The following TRNT1 variants were observed in gnomAD, a reference collection of about 807,000 sequenced individuals.
TRNT1 encodes the protein tRNA nucleotidyl transferase 1, also known as CCA tRNA nucleotidyltransferase 1, mitochondrial.
A neutral mutation model predicts 45.6 loss-of-function variants in TRNT1; 44 were observed. The ratio of observed to expected loss-of-function variants is 0.97; its 90% confidence interval spans 0.76 to 1.24. The LOEUF (loss-of-function observed/expected upper bound fraction) is 1.24. TRNT1 is among the 50% of genes most tolerant of loss of function. The pLI, the probability that TRNT1 is intolerant of heterozygous loss-of-function variation, is 0.00. For synonymous variants in TRNT1, 201 were observed against 171.4 expected, an observed-to-expected ratio of 1.17 and a Z score of -1.35; for missense variants, 633 against 504.4, an observed-to-expected ratio of 1.25 and a Z score of -2.44.
intron 2 of TRNT1, 103 bp from the exon 3 acceptor site, chr3:3,137,157 C>A: frequency 1.1e-6 from 1 of 897,940 alleles, no homozygotes; most frequent in Non-Finnish European, 1.6e-6. Flanking sequence ...AAATGAATCT[C>A]TGCTGTTCCA....
At chr3:3,151,284 A>G (rs1706529267), downstream of TRNT1, among the ~76,000 whole-genome samples, 1 of 152,220 alleles carries the variant, frequency 6.6e-6, no homozygotes, top group Non-Finnish European at 1.5e-5. Flanking sequence ...TCTACTGCAT[A>G]GAAATAAAGA....
At chr3:3,131,010 AG>A (rs886755270) in intron 2 of TRNT1, among the ~76,000 whole-genome samples, 1 of 151,242 alleles carries the variant, frequency 6.6e-6, no homozygotes, top group African/African-American at 2.4e-5. Context: ...GAAGCCTGGG[AG>A]GGGGGCTTGC....
In TRNT1 at chr3:3,144,803, A is replaced by G; in HGVS notation, c.608+93A>G. The G allele has an allele frequency of 8.0e-6, 10 of 1,256,154 alleles. No individual in the cohort carries two copies. In the South Asian group the frequency reaches 1.7e-4, roughly 21 times the overall value. The allele number at this position is 1,256,154 out of a possible 1,614,324, so 77.8% of individuals were successfully genotyped here. A position where few individuals can be genotyped will look rare whatever the true frequency, so the allele number is the denominator to read the frequency against. The stretch of plus-strand genomic sequence containing the variant: ...GAAACCCACAGCAGGTCAGTGTACA[A>G]AATGGTGACATCCCAAATGTCTGTC... On this transcript the variant is annotated intron_variant, in intron 5 of 7. Transcript: ENST00000251607.
chr3:3,149,238 G>GTAAT (rs774045299), downstream of TRNT1: 16 of 152,180 alleles, frequency 1.1e-4, no homozygotes, highest in East Asian at 2.7e-3. Flanking sequence ...ATACAGGTCA[G>GTAAT]TAATTAGATG....
At chr3:3,135,684 GAA>G (rs1705287171) in intron 2 of TRNT1, among the ~76,000 whole-genome samples, 2 of 152,198 alleles carry the variant, frequency 1.3e-5, no homozygotes, top group Admixed American at 1.3e-4. Context: ...GGGCAGGACA[GAA>G]AACAGATGTT....
intron 2 of TRNT1, among the ~76,000 whole-genome samples, chr3:3,133,694 G>A (rs539199423): frequency 6.6e-6 from 1 of 152,122 alleles, no homozygotes; most frequent in Non-Finnish European, 1.5e-5. Flanking sequence ...GTCCACAGGG[G>A]GTGATAGCGC....
At chr3:3,144,492 T>G in intron 4 of TRNT1, 92 bp from the exon 5 acceptor site, 1 of 1,253,092 alleles carries the variant, frequency 8.0e-7, no homozygotes, top group Admixed American at 2.3e-5. Flanking sequence ...GCTGAATTTT[T>G]ACTGTTTGTG....
At chr3:3,140,792 T>TG in intron 4 of TRNT1, 144 bp downstream of exon 4, 1 of 1,124,460 alleles carries the variant, frequency 8.9e-7, no homozygotes, top group Non-Finnish European at 1.2e-6. Flanking sequence ...CTTCAAAGAA[T>TG]AGTCCCTCAG....
chr3:3,128,859 A>C (rs1434095273), intron 1 of TRNT1, among the ~76,000 whole-genome samples, 155 bp from the exon 2 acceptor site: 1 of 152,244 alleles, frequency 6.6e-6, no homozygotes, highest in Non-Finnish European at 1.5e-5. Context: ...ACATAGACCT[A>C]GTCGTAATCC....
At chr3:3,132,735 AAAAAAAAAACAC>A (rs1471938495) in intron 2 of TRNT1, among the ~76,000 whole-genome samples, 2 of 132,900 alleles carry the variant, frequency 1.5e-5, no homozygotes, top group African/African-American at 2.6e-5. Context: ...TTGAAGGAAA[AAAAAAAAAACAC>A]AAAAAAAAAA....
At chr3:3,129,808 A>T in intron 2 of TRNT1, 4 of 1,451,070 alleles carry the variant, frequency 2.8e-6, no homozygotes, top group Non-Finnish European at 3.8e-6. Flanking sequence ...TAGGCATGTG[A>T]AGTGCTTTGC....
Position 3,131,070 on chromosome 3 carries a change from G to C in TRNT1, c.148+1882G>C, listed in dbSNP as rs540967684. ...CACTCCAGCCTGGGCGACACAGACCGTGTCTTTAAAAAAAAAAAAAAATTA... is the reference window on the plus strand; with the variant it reads ...CACTCCAGCCTGGGCGACACAGACCCTGTCTTTAAAAAAAAAAAAAAATTA... On this transcript the variant is annotated intron_variant, in intron 2 of 7. Transcript: ENST00000251607. Among the ~76,000 whole-genome samples, 9 of 150,096 alleles carry C rather than the reference G, an allele frequency of 6.0e-5. No homozygotes were observed. In the South Asian group the frequency reaches 1.0e-3, roughly 17 times the overall value.
intron 7 of TRNT1, 39 bp downstream of exon 7, chr3:3,147,742 CG>C: frequency 6.4e-7 from 1 of 1,554,564 alleles, no homozygotes; most frequent in Non-Finnish European, 8.7e-7. Context: ...TATGAAGTAT[CG>C]TCACGAATTT....
At chr3:3,151,065 T>G (rs771387577), downstream of TRNT1, 3 of 1,613,062 alleles carry the variant, frequency 1.9e-6, no homozygotes, top group African/African-American at 2.7e-5. Flanking sequence ...TAAGGAAAGA[T>G]ATCAGCTAAG....
At chr3:3,127,718 T>G (rs1351360514) in intron 1 of TRNT1, 1 of 152,136 alleles carries the variant, frequency 6.6e-6, no homozygotes, top group Admixed American at 6.5e-5. Flanking sequence ...CCATGACAAG[T>G]TTTGGAGACC....
In TRNT1 at chr3:3,137,469, G is replaced by A; in HGVS notation, c.342+16G>A. On this transcript the variant is annotated intron_variant, in intron 3 of 7. Transcript: ENST00000251607. ...TACTGCCAGGGTGAGTCAAAAGTTT[G>A]ACAGGTAATTACATTGCTTTTTTGG... is the stretch of plus-strand genomic sequence containing the variant. 2 of 1,582,486 alleles carry A rather than the reference G, an allele frequency of 1.3e-6. No homozygotes were observed. The highest frequency in any genetic ancestry group is 1.7e-6 in the Non-Finnish European group (2 of 1,166,010).
At chr3:3,146,972 A>G (rs112553410) in intron 6 of TRNT1, among the ~76,000 whole-genome samples, 1 of 152,236 alleles carries the variant, frequency 6.6e-6, no homozygotes, top group African/African-American at 2.4e-5. Flanking sequence ...GTGAGTTAAT[A>G]CATGTAAAGC....
At chr3:3,143,484 T>G (rs1407928424) in intron 4 of TRNT1, among the ~76,000 whole-genome samples, 1 of 152,228 alleles carries the variant, frequency 6.6e-6, no homozygotes, top group Admixed American at 6.5e-5. Flanking sequence ...TGAAGTCTCC[T>G]GATCTGTAAT....
In TRNT1 at chr3:3,137,442, A is replaced by G. The variant is rs149263693; in HGVS notation, c.331A>G (p.Ile111Val). The change falls in exon 3 of 8, where the codon ATT becomes GTT. Residue 111 changes from isoleucine (I) to valine (V), a missense_variant. Transcript: ENST00000251607. ...CAACAGAGGAGAAAAGCACGGAACA[A>G]TTACTGCCAGGGTGAGTCAAAAGTT... ...INNRGEKHGT[I>V]TARLHEENFE... The G allele has an allele frequency of 3.8e-4, 604 of 1,609,032 alleles. 2 individuals carry two copies. The highest frequency in any genetic ancestry group is 2.6e-3 in the African/African-American group (193 of 74,772).
Sources: allele counts gnomAD v4.1 joint callset (sites outside exome capture counted in the v4.1 genomes callset), GRCh38; gene constraint gnomAD v4.1.1; transcripts MANE v1.5; gene names NCBI Gene and HGNC (gene_info 2026-07-23, HGNC 2026-07-21).